The following MYO1B variants were observed in gnomAD, a reference collection of about 807,000 sequenced individuals.
MYO1B encodes the protein myosin IB.
A neutral mutation model predicts 159.7 loss-of-function variants in MYO1B; 72 were observed. That is an observed-to-expected ratio of 0.45 (90% CI 0.37 to 0.55). The LOEUF (loss-of-function observed/expected upper bound fraction) is 0.55. Among genes scored for constraint, MYO1B ranks in the 20% least tolerant of loss-of-function variants. The pLI is 0.00. For missense variants in MYO1B, 1,062 were observed against 1,364.8 expected (o/e 0.78, Z 3.50); for synonymous variants, 468 against 473.8 (o/e 0.99, Z 0.16).
intron 6 of MYO1B, among the ~76,000 whole-genome samples, chr2:191,346,767 G>A (rs1692595831): frequency 6.6e-6 from 1 of 152,180 alleles, no homozygotes; most frequent in African/African-American, 2.4e-5. Flanking sequence ...TGGGGCTGTA[G>A]AGTAGAACTG....
intron 2 of MYO1B, among the ~76,000 whole-genome samples, chr2:191,294,293 T>C (rs1688853979): frequency 6.6e-6 from 1 of 152,176 alleles, no homozygotes; most frequent in African/African-American, 2.4e-5. Flanking sequence ...AGCAACTCAG[T>C]AAGTGGTTTT....
chr2:191,331,748 A>G (rs1378603238), intron 4 of MYO1B, among the ~76,000 whole-genome samples: 7 of 152,240 alleles, frequency 4.6e-5, no homozygotes, highest in Non-Finnish European at 8.8e-5. Context: ...GCACGTACCT[A>G]TACATCCAAA....
chr2:191,251,778 G>A (rs973933384), intron 1 of MYO1B, among the ~76,000 whole-genome samples: 2 of 152,122 alleles, frequency 1.3e-5, no homozygotes, highest in African/African-American at 4.8e-5. Flanking sequence ...ACATTTACAC[G>A]TCATTTGCCT....
At chr2:191,315,623 A>G (rs1301428353) in intron 3 of MYO1B, among the ~76,000 whole-genome samples, 3 of 152,236 alleles carry the variant, frequency 2.0e-5, no homozygotes, top group Non-Finnish European at 4.4e-5. Context: ...GCATTGCTCA[A>G]AAGAAGCAAA....
intron 3 of MYO1B, among the ~76,000 whole-genome samples, chr2:191,309,542 G>A (rs1689865705): frequency 6.6e-6 from 1 of 152,124 alleles, no homozygotes; most frequent in Admixed American, 6.5e-5. Flanking sequence ...AAAACCTGCA[G>A]CAACTCCCTT....
chr2:191,304,598 C>CAA (rs1689534263), intron 3 of MYO1B, among the ~76,000 whole-genome samples: 1 of 151,024 alleles, frequency 6.6e-6, no homozygotes, highest in Non-Finnish European at 1.5e-5. Flanking sequence ...ACAACAACAA[C>CAA]CCAGTTTCTT....
chr2:191,357,540 C>T (rs573490222), intron 7 of MYO1B, among the ~76,000 whole-genome samples: 14 of 152,282 alleles, frequency 9.2e-5, no homozygotes, highest in African/African-American at 3.4e-4. Context: ...GATGTAGCTG[C>T]ATTAGAATAT....
At chr2:191,272,367 A>G (rs1244014794) in intron 1 of MYO1B, among the ~76,000 whole-genome samples, 1 of 152,232 alleles carries the variant, frequency 6.6e-6, no homozygotes, top group South Asian at 2.1e-4. Flanking sequence ...AAACTAGAAC[A>G]TGGTCTGATA....
intron 13 of MYO1B, among the ~76,000 whole-genome samples, chr2:191,377,026 TG>T (rs1180949809): frequency 2.4e-4 from 36 of 152,322 alleles, no homozygotes; most frequent in Non-Finnish European, 3.4e-4. Flanking sequence ...TTCTGGGCTT[TG>T]TTTTTTTGTT....
At chr2:191,321,161 T>A (rs1690686046) in intron 3 of MYO1B, among the ~76,000 whole-genome samples, 1 of 152,222 alleles carries the variant, frequency 6.6e-6, no homozygotes, top group Non-Finnish European at 1.5e-5. Context: ...TATGAGGTGC[T>A]GCTTTTTAAG....
intron 26 of MYO1B, among the ~76,000 whole-genome samples, 186 bp downstream of exon 26, chr2:191,409,364 G>A (rs990261731): frequency 1.4e-4 from 21 of 152,196 alleles, no homozygotes; most frequent in African/African-American, 4.6e-4. Context: ...CGGCCCAGGC[G>A]TTCCCTGTGC....
chr2:191,308,841 T>C (rs946222639), intron 3 of MYO1B, among the ~76,000 whole-genome samples: 3 of 152,230 alleles, frequency 2.0e-5, no homozygotes, highest in Non-Finnish European at 4.4e-5. Context: ...TTTGACAACA[T>C]GACCAGCTCC....
chr2:191,322,922 G>T (rs1271527488), intron 3 of MYO1B, among the ~76,000 whole-genome samples: 1 of 152,144 alleles, frequency 6.6e-6, no homozygotes, highest in Admixed American at 6.5e-5. Context: ...TATAGACAGA[G>T]AAGCCCCAAG....
At chr2:191,359,403 A>G (rs989272652) in intron 7 of MYO1B, among the ~76,000 whole-genome samples, 3 of 149,940 alleles carry the variant, frequency 2.0e-5, no homozygotes, top group Admixed American at 6.7e-5. Context: ...AAGTCATATG[A>G]GAGCTGGAGA....
rs73981521 is a variant in MYO1B at position 191,268,834 on chromosome 2, G to T, written c.-9-8053G>T. Among the ~76,000 whole-genome samples the T allele has an allele frequency of 2.7e-3, 412 of 152,240 alleles. 3 individuals are homozygous for T. The highest frequency in any genetic ancestry group is 9.6e-3 in the African/African-American group (397 of 41,540). The stretch of plus-strand genomic sequence containing the variant: ...GATCTTTGGAAGCTTTGTTTGGGCT[G>T]GTGTATACCCACCACTCAGTTAGCT... On this transcript the variant is annotated intron_variant, in intron 1 of 30. Transcript: ENST00000392318.
intron 2 of MYO1B, among the ~76,000 whole-genome samples, chr2:191,293,722 T>G (rs1355735216): frequency 6.6e-6 from 1 of 152,146 alleles, no homozygotes; most frequent in Non-Finnish European, 1.5e-5. Flanking sequence ...GCAACCTGTT[T>G]TATCAGCATC....
chr2:191,363,845 C>G lies in MYO1B; in HGVS notation c.883C>G (p.Leu295Val). ...EFKPESRVNG[L>V]DESKIKDKNE... ...CAAGCCCGAATCTCGAGTGAATGGT[C>G]TAGATGAAAGCAAAATCAAAGATAA... Residue 295 changes from leucine to valine, a missense_variant, in exon 10 of 31, where the codon CTA (leucine) becomes GTA (valine). Coordinates refer to ENST00000392318, the MANE Select transcript of MYO1B (RefSeq NM_001130158.3). 1.2e-6 allele frequency: 2 copies of G among 1,613,530 alleles called. No individual in the cohort carries two copies. Among genetic ancestry groups the G allele is most frequent in the Non-Finnish European group, 1.7e-6 (2 of 1,179,874 alleles).
intron 3 of MYO1B, among the ~76,000 whole-genome samples, chr2:191,309,468 T>G (rs1689860756): frequency 6.6e-6 from 1 of 152,194 alleles, no homozygotes; most frequent in South Asian, 2.1e-4. Flanking sequence ...ATGAATGTTA[T>G]GGCCACTGCC....
chr2:191,312,026 G>A (rs1366056291), intron 3 of MYO1B, among the ~76,000 whole-genome samples: 1 of 152,160 alleles, frequency 6.6e-6, no homozygotes, highest in African/African-American at 2.4e-5. Flanking sequence ...TTGTCTTACA[G>A]GCATAGCTTA....
Sources: allele counts gnomAD v4.1 joint callset (sites outside exome capture counted in the v4.1 genomes callset), GRCh38; gene constraint gnomAD v4.1.1; transcripts MANE v1.5; gene names NCBI Gene and HGNC (gene_info 2026-07-23, HGNC 2026-07-21).